Variants in PIK3R3 observed in about 807,000 individuals in gnomAD.
The protein encoded by PIK3R3 is phosphoinositide-3-kinase regulatory subunit 3, also known as phosphatidylinositol 3-kinase regulatory subunit gamma.
A neutral mutation model predicts 62.9 loss-of-function variants in PIK3R3; 64 were observed. The ratio of observed to expected loss-of-function variants is 1.02; its 90% CI spans 0.83 to 1.25. PIK3R3 has a LOEUF of 1.25. PIK3R3 is among the 50% of genes most tolerant of loss of function. The pLI, the probability that PIK3R3 is intolerant of heterozygous loss-of-function variation, is 0.00. For synonymous variants in PIK3R3, 165 were observed against 189.0 expected (o/e 0.87, Z 1.04); for missense variants, 614 against 561.6 (o/e 1.09, Z -0.94).
chr1:46,101,777 A>G (rs1652701638), intron 1 of PIK3R3, among the ~76,000 whole-genome samples: 2 of 152,222 alleles, frequency 1.3e-5, no homozygotes, highest in East Asian at 3.8e-4. Context: ...CCAGGAGCTG[A>G]AAGTGAAGGG....
intron 2 of PIK3R3, 106 bp downstream of exon 2, chr1:46,080,536 T>C (rs1768803): frequency 0.46 from 342,128 of 746,642 alleles, 79,554 homozygotes; most frequent in East Asian, 0.63. Flanking sequence ...GCTGGGATTA[T>C]AGGCATGAGC....
In PIK3R3 at chr1:46,061,225, T is replaced by C. The variant is rs78310947; in HGVS notation, c.764+704A>G. On this transcript the variant is annotated intron_variant, in intron 6 of 9. Transcript: ENST00000262741. Reference sequence around the variant, plus strand: ...GTGAAAAACACCATCTTCCAGTCTCTCACACCAGAAATCTAGGAATAATCT... The same window carrying C: ...GTGAAAAACACCATCTTCCAGTCTCCCACACCAGAAATCTAGGAATAATCT... 3.5e-3 allele frequency among the ~76,000 whole-genome samples: 534 copies of C among 152,326 alleles called. 6 individuals carry two copies. Among genetic ancestry groups the C allele is most frequent in the East Asian group, 0.034 (174 of 5,178 alleles).
At chr1:46,111,797 T>C (rs1325427400) in intron 1 of PIK3R3, among the ~76,000 whole-genome samples, 1 of 152,116 alleles carries the variant, frequency 6.6e-6, no homozygotes, top group Non-Finnish European at 1.5e-5. Flanking sequence ...ATCTAGGTGG[T>C]GGTTAAGTAG....
At chr1:46,157,338 G>A in the PIK3R3 span, among the ~76,000 whole-genome samples, 26,837 of 151,910 alleles carry the variant, frequency 0.18, 2,615 homozygotes, top group South Asian at 0.39. Flanking sequence ...TTGCCATGTT[G>A]CCCAGGGTGG....
At chr1:46,070,067 T>C (rs916346432) in intron 3 of PIK3R3, among the ~76,000 whole-genome samples, 2 of 152,230 alleles carry the variant, frequency 1.3e-5, no homozygotes, top group Non-Finnish European at 2.9e-5. Flanking sequence ...GGAACACTGC[T>C]ATAAATAAGG....
intron 9 of PIK3R3, among the ~76,000 whole-genome samples, chr1:46,045,619 T>TC (rs1295593995): frequency 8.6e-6 from 1 of 115,834 alleles, no homozygotes; most frequent in East Asian, 2.5e-4. Context: ...ATTAAGTGCT[T>TC]TTTTTTTTTT....
At position 46,071,712 on chromosome 1, in the gene PIK3R3, A is replaced by AAAAAAAAACATATAT. The variant is rs1472807815; in HGVS notation, c.315-4622_315-4621insATATATGTTTTTTTT. Among the ~76,000 whole-genome samples the AAAAAAAAACATATAT allele has an allele frequency of 4.9e-4, 12 of 24,636 alleles. 3 individuals are homozygous for AAAAAAAAACATATAT. Among genetic ancestry groups the AAAAAAAAACATATAT allele is most frequent in the Middle Eastern group, 0.033 (1 of 30 alleles). The allele number at this position is 24,636 out of a possible 152,430, so 16.2% of individuals were successfully genotyped here. ...CTCTGTCTCCAAAAAAAAAAAAAAA[A>AAAAAAAAACATATAT]ATATATATATATATATATAGAGAGA... On this transcript the variant is annotated intron_variant, in intron 3 of 9. Coordinates refer to ENST00000262741, the MANE Select transcript of PIK3R3 (RefSeq NM_003629.4).
Position 46,131,845 on chromosome 1 carries a change from A to G in PIK3R3, c.106+2T>C. The G allele has an allele frequency of 6.2e-7, 1 of 1,611,096 alleles. No homozygotes were observed. Among genetic ancestry groups the G allele is most frequent in the Non-Finnish European group, 8.5e-7 (1 of 1,177,770 alleles). ...GATTCTTTTTTTTTTTCTCCCAAGT[A>G]CCTGGAGGATCCATTTCAATATAAA... is the stretch of plus-strand genomic sequence containing the variant. On this transcript the variant is annotated splice_donor_variant, in intron 1 of 9. Coordinates refer to ENST00000262741, the MANE Select transcript of PIK3R3 (RefSeq NM_003629.4). LOFTEE classifies it high-confidence loss of function.
At chr1:46,122,254 A>G (rs1023398714) in intron 1 of PIK3R3, among the ~76,000 whole-genome samples, 1 of 152,218 alleles carries the variant, frequency 6.6e-6, no homozygotes, top group Non-Finnish European at 1.5e-5. Context: ...TTACTTGTTA[A>G]AAGTCAAGTC....
chr1:46,080,648 A>T lies in PIK3R3; in HGVS notation c.209T>A (p.Ile70Asn). 1 of 1,591,076 alleles carries T rather than the reference A, an allele frequency of 6.3e-7. No individual in the cohort carries two copies. Among genetic ancestry groups the T allele is most frequent in the Non-Finnish European group, 8.6e-7 (1 of 1,160,970 alleles). Residue 70 changes from isoleucine to asparagine, a missense_variant, in exon 2 of 10, where the codon ATT becomes AAT. By Grantham distance (149) the Ile-to-Asn change is moderately radical. Transcript: ENST00000262741. ...ACAGTAGCATTCTAGTTACCTTGAA[A>T]TATCCCCCCAGTACCATTCTGCATC... ...LQDAEWYWGD[I>N]SREEVNDKLR...
intron 3 of PIK3R3, among the ~76,000 whole-genome samples, chr1:46,074,286 C>CAAAAAAAAA (rs1179172400): frequency 3.4e-4 from 7 of 20,832 alleles, no homozygotes; most frequent in Non-Finnish European, 4.3e-4. Flanking sequence ...TAGACTCCGT[C>CAAAAAAAAA]AAAAAAAAAA....
intron 1 of PIK3R3, among the ~76,000 whole-genome samples, chr1:46,090,633 T>A (rs1651539718): frequency 6.6e-6 from 1 of 152,084 alleles, no homozygotes; most frequent in African/African-American, 2.4e-5. Flanking sequence ...ATGCCCAGCC[T>A]CCACACAGTC....
chr1:46,108,402 A>G (rs537361063), intron 1 of PIK3R3, among the ~76,000 whole-genome samples: 1 of 152,268 alleles, frequency 6.6e-6, no homozygotes, highest in East Asian at 1.9e-4. Flanking sequence ...TTCCCATACC[A>G]CAGCTACTGA....
chr1:46,132,058 T>G lies in PIK3R3; in HGVS notation c.-106A>C. On this transcript the variant is annotated 5_prime_UTR_variant, in exon 1 of 10. Transcript: ENST00000262741. ...TATCTGCAAAAGTTCCACACGGAAA[T>G]GTACTTCGGGTTTTCCAACGGCCAG... 1 of 1,489,012 alleles carries G rather than the reference T, an allele frequency of 6.7e-7. No individual in the cohort carries two copies. The highest frequency in any genetic ancestry group is 8.9e-7 in the Non-Finnish European group (1 of 1,120,840). 92.2% of individuals were successfully genotyped at this position (1,489,012 alleles called of 1,614,324 possible).
At chr1:46,150,746 C>A in the PIK3R3 span, among the ~76,000 whole-genome samples, 1 of 151,804 alleles carries the variant, frequency 6.6e-6, no homozygotes, top group South Asian at 2.1e-4. Flanking sequence ...GGCTTCCACA[C>A]CTGGATAAGG....
chr1:46,172,083 G>A, the PIK3R3 span, among the ~76,000 whole-genome samples: 1 of 152,114 alleles, frequency 6.6e-6, no homozygotes, highest in Non-Finnish European at 1.5e-5. Context: ...TGAACCCTCA[G>A]GCCATCATCC....
chr1:46,132,816 A>G, upstream of PIK3R3: 1 of 1,226,630 alleles, frequency 8.2e-7, no homozygotes, highest in Middle Eastern at 2.3e-4. Flanking sequence ...GAACATGTTC[A>G]AAAAGCTGCT....
At chr1:46,152,947 C>A in the PIK3R3 span, among the ~76,000 whole-genome samples, 1 of 152,174 alleles carries the variant, frequency 6.6e-6, no homozygotes, top group Non-Finnish European at 1.5e-5. Flanking sequence ...TGTTCAGGAA[C>A]TTAAGAGAAT....
intron 1 of PIK3R3, among the ~76,000 whole-genome samples, chr1:46,086,189 T>C (rs1364987920): frequency 1.3e-5 from 2 of 152,204 alleles, no homozygotes; most frequent in Non-Finnish European, 2.9e-5. Flanking sequence ...CATAGAAACA[T>C]ATGAAGAGTA....
Sources: allele counts gnomAD v4.1 joint callset (sites outside exome capture counted in the v4.1 genomes callset), GRCh38; gene constraint gnomAD v4.1.1; transcripts MANE v1.5; gene names NCBI Gene and HGNC (gene_info 2026-07-23, HGNC 2026-07-21).